ZNF385D: variants seen among roughly 807,000 people sequenced by gnomAD.
The protein encoded by ZNF385D is zinc finger protein 385D.
In ZNF385D, 15 loss-of-function variants were observed where a neutral mutation model predicts 35.8. The ratio of observed to expected loss-of-function variants is 0.42; its 90% CI spans 0.28 to 0.64. The LOEUF is 0.64. Among genes scored for constraint, ZNF385D ranks in the 30% least tolerant of loss-of-function variants. The probability of loss-of-function intolerance (pLI) is 0.23; values close to 1 mark genes in which losing one functional copy is unlikely to be tolerated. For synonymous variants in ZNF385D, 212 were observed against 186.8 expected, an observed-to-expected ratio of 1.13 and a Z score of -1.10; for missense variants, 474 against 494.6, an observed-to-expected ratio of 0.96 and a Z score of 0.39.
intron 3 of ZNF385D, among the ~76,000 whole-genome samples, chr3:22,096,292 C>T (rs1701619349): frequency 6.6e-6 from 1 of 151,768 alleles, no homozygotes. Context: ...GGTATCAAAC[C>T]TGCACATGTA....
At chr3:22,102,109 C>T (rs997422000) in intron 3 of ZNF385D, among the ~76,000 whole-genome samples, 11 of 151,874 alleles carry the variant, frequency 7.2e-5, no homozygotes, top group Admixed American at 2.0e-4. Context: ...CCCTTTGGAA[C>T]TCAAAATGCC....
At chr3:22,282,587 C>T (rs1007830570) in intron 2 of ZNF385D, among the ~76,000 whole-genome samples, 1 of 151,836 alleles carries the variant, frequency 6.6e-6, no homozygotes, top group Non-Finnish European at 1.5e-5. Context: ...CCACTGTGGT[C>T]TGAGAGAGTA....
At chr3:22,336,737 A>G (rs1442971386) in intron 2 of ZNF385D, among the ~76,000 whole-genome samples, 2 of 151,708 alleles carry the variant, frequency 1.3e-5, no homozygotes, top group Non-Finnish European at 2.9e-5. Context: ...AATTAGTGGC[A>G]TATTTTATAC....
chr3:22,235,509 C>A (rs1016127608), intron 2 of ZNF385D, among the ~76,000 whole-genome samples: 4 of 151,914 alleles, frequency 2.6e-5, no homozygotes, highest in Non-Finnish European at 5.9e-5. Context: ...AAAACAATGC[C>A]AAAATGACAA....
chr3:22,256,534 G>T (rs1700327033), intron 2 of ZNF385D, among the ~76,000 whole-genome samples: 1 of 151,518 alleles, frequency 6.6e-6, no homozygotes, highest in Non-Finnish European at 1.5e-5. Context: ...CTTTGATTTG[G>T]AATCTATGTG....
chr3:21,482,206 G>A (rs1218207571), intron 4 of ZNF385D, among the ~76,000 whole-genome samples: 1 of 152,116 alleles, frequency 6.6e-6, no homozygotes, highest in African/African-American at 2.4e-5. Flanking sequence ...CATTCACATG[G>A]TTGACTCCTA....
intron 1 of ZNF385D, among the ~76,000 whole-genome samples, chr3:21,708,158 T>A (rs1298708269): frequency 1.3e-5 from 2 of 152,214 alleles, no homozygotes; most frequent in Non-Finnish European, 2.9e-5. Context: ...AGTTTAAATT[T>A]GTTGGTGCTT....
intron 2 of ZNF385D, among the ~76,000 whole-genome samples, chr3:22,192,017 G>T (rs1429622039): frequency 6.6e-6 from 1 of 151,530 alleles, no homozygotes; most frequent in Non-Finnish European, 1.5e-5. Context: ...GATTTTTTTC[G>T]GCCCATCTAC....
At chr3:22,243,095 C>A (rs1559474496) in intron 2 of ZNF385D, among the ~76,000 whole-genome samples, 1 of 150,758 alleles carries the variant, frequency 6.6e-6, no homozygotes, top group South Asian at 2.2e-4. Context: ...AGGAAAACTA[C>A]AGAATGGGAG....
At chr3:21,636,380 A>ATATATATATGAT (rs1281350166) in intron 2 of ZNF385D, among the ~76,000 whole-genome samples, 1 of 13,680 alleles carries the variant, frequency 7.3e-5, no homozygotes, top group African/African-American at 2.0e-4. Context: ...ATATATGATT[A>ATATATATATGAT]TATATATATA....
At chr3:21,541,249 T>C (rs1162333436) in intron 3 of ZNF385D, among the ~76,000 whole-genome samples, 1 of 152,114 alleles carries the variant, frequency 6.6e-6, no homozygotes, top group Non-Finnish European at 1.5e-5. Context: ...CTTAAACCAA[T>C]CACCATAAGA....
At chr3:21,864,506 G>A (rs1697227219) in intron 3 of ZNF385D, among the ~76,000 whole-genome samples, 1 of 152,058 alleles carries the variant, frequency 6.6e-6, no homozygotes, top group Admixed American at 6.6e-5. Flanking sequence ...ATTATGGACA[G>A]AATGCACACT....
chr3:21,860,178 T>C (rs1696970724), intron 3 of ZNF385D, among the ~76,000 whole-genome samples: 1 of 151,944 alleles, frequency 6.6e-6, no homozygotes, highest in Non-Finnish European at 1.5e-5. Flanking sequence ...GAGGTTGTTT[T>C]TGACCAAGGT....
At chr3:22,071,893 C>G (rs986433001) in intron 3 of ZNF385D, among the ~76,000 whole-genome samples, 1 of 152,028 alleles carries the variant, frequency 6.6e-6, no homozygotes, top group African/African-American at 2.4e-5. Flanking sequence ...CATAAACTGT[C>G]TTGACGTAAA....
At chr3:22,116,502 T>C (rs1702818025) in intron 3 of ZNF385D, among the ~76,000 whole-genome samples, 1 of 152,002 alleles carries the variant, frequency 6.6e-6, no homozygotes, top group Admixed American at 6.6e-5. Context: ...CAATAAAATG[T>C]AGTAAAAGTG....
At chr3:21,944,393 C>A (rs564572080) in intron 3 of ZNF385D, among the ~76,000 whole-genome samples, 1 of 152,286 alleles carries the variant, frequency 6.6e-6, no homozygotes, top group South Asian at 2.1e-4. Flanking sequence ...GGCAGTCAAG[C>A]TTTCATAGGG....
chr3:22,146,820 C>G (rs560940429), intron 3 of ZNF385D, among the ~76,000 whole-genome samples: 3 of 152,240 alleles, frequency 2.0e-5, no homozygotes, highest in South Asian at 2.1e-4. Context: ...TTTGATGATA[C>G]TCTTATGAAA....
intron 2 of ZNF385D, among the ~76,000 whole-genome samples, chr3:21,625,827 G>A (rs1575346894): frequency 6.6e-6 from 1 of 152,076 alleles, no homozygotes; most frequent in East Asian, 1.9e-4. Context: ...GACAAAAATA[G>A]AATACTTTTA....
At chr3:21,491,916 G>T (rs1187269004) in intron 4 of ZNF385D, among the ~76,000 whole-genome samples, 9 of 151,808 alleles carry the variant, frequency 5.9e-5, no homozygotes, top group Non-Finnish European at 1.2e-4. Flanking sequence ...ACTTTTATTT[G>T]CACACTAAAG....
Sources: allele counts gnomAD v4.1 joint callset (sites outside exome capture counted in the v4.1 genomes callset), GRCh38; gene constraint gnomAD v4.1.1; transcripts MANE v1.5; gene names NCBI Gene and HGNC (gene_info 2026-07-23, HGNC 2026-07-21).